FARP2: variants seen among roughly 807,000 people sequenced by gnomAD.
FARP2 encodes the protein FERM, ARHGEF and pleckstrin domain-containing protein 2.
A neutral mutation model predicts 130.5 loss-of-function variants in FARP2; 111 were observed. The ratio of observed to expected loss-of-function variants is 0.85; its 90% CI spans 0.73 to 1.00. The LOEUF (loss-of-function observed/expected upper bound fraction) is 1.00. Among genes scored for constraint, FARP2 ranks in the 50% least tolerant of loss-of-function variants. FARP2 has a pLI of 0.00. For missense variants in FARP2, 1,385 were observed against 1,346.3 expected (o/e 1.03, Z -0.45); for synonymous variants, 504 against 516.9 (o/e 0.98, Z 0.34).
At chr2:241,418,391 C>A (rs1427378144) in intron 8 of FARP2, among the ~76,000 whole-genome samples, 1 of 152,146 alleles carries the variant, frequency 6.6e-6, no homozygotes, top group South Asian at 2.1e-4. Flanking sequence ...CCTCCTGCCC[C>A]CCAGGGCTGC....
chr2:241,491,100 C>T lies in FARP2; in HGVS notation c.2544C>T (p.Asn848=), dbSNP rs146007808. The T allele has an allele frequency of 1.9e-4, 307 of 1,613,526 alleles. 1 individual carries two copies. In the African/African-American group the frequency reaches 2.8e-3, roughly 15 times the overall value. ...AAGAGAAGTGGATGCTGGACCTGAA[C>T]TCCGCGATCCAAGCAGCCAAGAGTG... The part of the protein sequence containing the change: ...LEKEKWMLDL[N]SAIQAAKSGG... Residue 848 remains asparagine, a synonymous_variant, in exon 23 of 27, where the codon AAC becomes AAT. Coordinates refer to ENST00000264042, the MANE Select transcript of FARP2 (RefSeq NM_014808.4).
At chr2:241,443,066 G>T in intron 13 of FARP2, 1 of 227,028 alleles carries the variant, frequency 4.4e-6, no homozygotes, top group South Asian at 5.9e-5. Context: ...CCTGTGTGCT[G>T]TGGTCAAACT....
chr2:241,370,506 A>G (rs560177294), intron 1 of FARP2, among the ~76,000 whole-genome samples: 2 of 152,330 alleles, frequency 1.3e-5, no homozygotes, highest in Admixed American at 6.5e-5. Context: ...ATTTCAGGGC[A>G]TCATGTTGTA....
intron 8 of FARP2, among the ~76,000 whole-genome samples, chr2:241,431,278 G>A (rs2063083690): frequency 6.6e-6 from 1 of 152,022 alleles, no homozygotes; most frequent in African/African-American, 2.4e-5. Context: ...ACCAGCCTGG[G>A]CAACAGAGCA....
intron 2 of FARP2, among the ~76,000 whole-genome samples, chr2:241,390,848 AAATGTCTAACC>A (rs1397971630): frequency 1.3e-5 from 2 of 152,160 alleles, no homozygotes; most frequent in East Asian, 3.8e-4. Flanking sequence ...AGTTTGGTTT[AAATGTCTAACC>A]ATTCTTAGTG....
intron 18 of FARP2, among the ~76,000 whole-genome samples, chr2:241,474,406 G>A (rs1213690728): frequency 2.0e-5 from 3 of 149,718 alleles, no homozygotes; most frequent in South Asian, 2.2e-4. Flanking sequence ...CAGGGCTAGA[G>A]CTGAGCACTG....
intron 12 of FARP2, 88 bp from the exon 13 acceptor site, chr2:241,441,216 C>A: frequency 1.7e-6 from 2 of 1,201,270 alleles, no homozygotes; most frequent in Non-Finnish European, 2.4e-6. Flanking sequence ...TGTGTGGATG[C>A]CCTAAGTTAG....
intron 11 of FARP2, among the ~76,000 whole-genome samples, chr2:241,435,546 C>T (rs949854560): frequency 7.0e-6 from 1 of 142,890 alleles, no homozygotes; most frequent in Non-Finnish European, 1.5e-5. Flanking sequence ...GAGTCTCGCT[C>T]TGTCGCCCAA....
intron 2 of FARP2, among the ~76,000 whole-genome samples, chr2:241,378,087 A>C (rs1407118048): frequency 2.6e-5 from 4 of 151,710 alleles, no homozygotes; most frequent in Non-Finnish European, 5.9e-5. Context: ...GTTTGAGATG[A>C]TATTTTTATT....
At chr2:241,474,349 A>AAAAAAAAC (rs1314041581) in intron 18 of FARP2, among the ~76,000 whole-genome samples, 1 of 131,618 alleles carries the variant, frequency 7.6e-6, no homozygotes, top group African/African-American at 2.8e-5. Flanking sequence ...AAAAAAAAAA[A>AAAAAAAAC]AGATAGAGCT....
Position 241,373,180 on chromosome 2 carries a change from G to A in FARP2, c.73G>A (p.Gly25Arg), listed in dbSNP as rs2061461220. 1 of 1,577,204 alleles carries A rather than the reference G, an allele frequency of 6.3e-7. No homozygotes were observed. Among genetic ancestry groups the A allele is most frequent in the African/African-American group, 1.4e-5 (1 of 73,722 alleles). The change falls in exon 2 of 27, where the codon GGA becomes AGA. Residue 25 changes from glycine (G) to arginine (R), a missense_variant. Gly to Arg is a moderately radical substitution (Grantham distance 125). Transcript: ENST00000264042. ...GCGCTTGGGTGCCCAGACCCCTGTG[G>A]GAGTTAGCACCCTTGAGCCTGGGCA... Reference protein sequence around the residue: ...GMRLGAQTPVGVSTLEPGQTL... With the variant: ...GMRLGAQTPVRVSTLEPGQTL...
intron 2 of FARP2, among the ~76,000 whole-genome samples, chr2:241,393,600 G>A (rs1336432916): frequency 6.6e-6 from 1 of 152,130 alleles, no homozygotes; most frequent in African/African-American, 2.4e-5. Flanking sequence ...TTATATAATA[G>A]GAGGGGCCAT....
Position 241,482,587 on chromosome 2 carries a change from T to C in FARP2, c.2263-878T>C, listed in dbSNP as rs1182787996. 6.6e-6 allele frequency among the ~76,000 whole-genome samples: 1 copy of C among 152,174 alleles called. No individual in the cohort carries two copies. Among genetic ancestry groups the C allele is most frequent in the Non-Finnish European group, 1.5e-5 (1 of 68,026 alleles). ...ACGCAAATGCATCCATATGACCACCTTCTTCATTGTGTGGGGTGGACGTTT... is the reference window on the plus strand; with the variant it reads ...ACGCAAATGCATCCATATGACCACCCTCTTCATTGTGTGGGGTGGACGTTT... On this transcript the variant is annotated intron_variant, in intron 19 of 26. Transcript: ENST00000264042. This position sits in a 1 kb window ranked among gnomAD's most constrained non-coding sequence, Gnocchi z 4.6.
chr2:241,424,792 A>G (rs1187795050), intron 8 of FARP2, among the ~76,000 whole-genome samples: 1 of 152,242 alleles, frequency 6.6e-6, no homozygotes, highest in South Asian at 2.1e-4. Flanking sequence ...ACGGAAATAT[A>G]AACGATCATC....
intron 16 of FARP2, 145 bp downstream of exon 16, chr2:241,463,613 A>G: frequency 1.1e-6 from 1 of 879,542 alleles, no homozygotes; most frequent in Non-Finnish European, 1.7e-6. Context: ...GGAGAGGTAC[A>G]GATGTAATAA....
At chr2:241,427,890 C>T (rs1044685905) in intron 8 of FARP2, among the ~76,000 whole-genome samples, 22 of 151,928 alleles carry the variant, frequency 1.4e-4, no homozygotes, top group African/African-American at 4.1e-4. Flanking sequence ...CTCAGCCTCC[C>T]GAGTAGCTGG....
At position 241,465,353 on chromosome 2, in the gene FARP2, C is replaced by T. The variant is rs372947464; in HGVS notation, c.1893+1373C>T. The T allele has an allele frequency of 1.6e-4, 134 of 835,768 alleles. No individual in the cohort carries two copies. The East Asian group carries it at 1.9e-3, about 12-fold the overall frequency. The allele number at this position is 835,768 out of a possible 1,614,324, so 51.8% of individuals were successfully genotyped here. ...TTCTCAGGACAGAGTCCCCCCTCCC[C>T]AGGGCAGGACCTGTTCAGGGCAGAG... On this transcript the variant is annotated intron_variant, in intron 17 of 26. Transcript: ENST00000264042.
chr2:241,471,589 G>A (rs1000659923), intron 18 of FARP2, among the ~76,000 whole-genome samples: 2 of 149,666 alleles, frequency 1.3e-5, no homozygotes, highest in African/African-American at 2.5e-5. Context: ...CGCCTCCTGG[G>A]TTCATGCCAT....
chr2:241,433,722 A>T (rs2063148524), intron 9 of FARP2, among the ~76,000 whole-genome samples: 1 of 152,134 alleles, frequency 6.6e-6, no homozygotes, highest in Admixed American at 6.6e-5. Flanking sequence ...TTTGTATACA[A>T]CTTTTAGAAA....
Sources: allele counts gnomAD v4.1 joint callset (sites outside exome capture counted in the v4.1 genomes callset), GRCh38; gene constraint gnomAD v4.1.1; non-coding constraint Gnocchi (gnomAD v3.1); transcripts MANE v1.5; gene names NCBI Gene and HGNC (gene_info 2026-07-23, HGNC 2026-07-21).